The following DLG2 variants were observed in gnomAD, a reference collection of about 807,000 sequenced individuals.
DLG2 encodes discs large MAGUK scaffold protein 2.
DLG2 carries 45 observed loss-of-function variants against 132.5 expected under a neutral mutation model. That is an observed-to-expected ratio of 0.34 (90% CI 0.27 to 0.44). The LOEUF (loss-of-function observed/expected upper bound fraction) is 0.44. DLG2 is among the 20% of genes least tolerant of loss of function. The probability of loss-of-function intolerance (pLI) is 1.00; values close to 1 mark genes in which losing one functional copy is unlikely to be tolerated. For synonymous variants in DLG2, 424 were observed against 419.6 expected, an observed-to-expected ratio of 1.01 and a Z score of -0.13; for missense variants, 1,045 against 1,196.9, an observed-to-expected ratio of 0.87 and a Z score of 1.87.
intron 3 of DLG2, among the ~76,000 whole-genome samples, chr11:85,346,355 A>T (rs59016931): frequency 0.19 from 28,939 of 151,278 alleles, 3,257 homozygotes; most frequent in East Asian, 0.31. Context: ...GCCCAGCTAA[A>T]TTTTTTGTAT....
intron 10 of DLG2, among the ~76,000 whole-genome samples, chr11:84,074,712 T>C (rs1172743998): frequency 2.0e-5 from 3 of 151,794 alleles, no homozygotes; most frequent in African/African-American, 7.3e-5. Context: ...GTATTTTTAG[T>C]ACAGACGGGG....
intron 3 of DLG2, among the ~76,000 whole-genome samples, chr11:85,446,100 C>A (rs1203384870): frequency 1.3e-5 from 2 of 152,168 alleles, no homozygotes; most frequent in Admixed American, 6.5e-5. Flanking sequence ...AACCATCAGA[C>A]CCTAAATTAA....
chr11:84,309,747 C>T (rs2098268529), intron 7 of DLG2, among the ~76,000 whole-genome samples: 1 of 152,156 alleles, frequency 6.6e-6, no homozygotes, highest in African/African-American at 2.4e-5. Context: ...TGATTCTTGG[C>T]ATGATGGATA....
chr11:85,346,648 G>A (rs2082871325), intron 3 of DLG2, among the ~76,000 whole-genome samples: 3 of 152,114 alleles, frequency 2.0e-5, no homozygotes, highest in Admixed American at 2.0e-4. Flanking sequence ...TAAACATCTA[G>A]AGGCAAGAAA....
chr11:83,757,705 G>C (rs1454786500), intron 18 of DLG2, among the ~76,000 whole-genome samples: 1 of 152,112 alleles, frequency 6.6e-6, no homozygotes, highest in African/African-American at 2.4e-5. Context: ...GGGGTTTAGG[G>C]CTTCTTAGAA....
At chr11:83,551,248 A>T (rs756171557) in intron 19 of DLG2, among the ~76,000 whole-genome samples, 1 of 152,034 alleles carries the variant, frequency 6.6e-6, no homozygotes, top group Non-Finnish European at 1.5e-5. Context: ...AAAAATCTAA[A>T]TTTTTTCCCC....
At position 83,483,427 on chromosome 11, in the gene DLG2, T is replaced by G; in HGVS notation, c.2293+702A>C. ...TGCTGCCTTAACAATCTGGATCCCA[T>G]TCTCTCTTCTTTTAAAAAAACTTTC... On this transcript the variant is annotated intron_variant, in intron 22 of 27. Coordinates refer to ENST00000376104, the MANE Select transcript of DLG2 (RefSeq NM_001142699.3). The G allele has an allele frequency of 6.7e-6, 4 of 599,130 alleles. No homozygotes were observed. The Admixed American group carries it at 9.3e-5, about 14-fold the overall frequency. 37.1% of individuals were successfully genotyped at this position (599,130 alleles called of 1,614,324 possible).
At chr11:85,552,589 A>C (rs2076727235) in intron 3 of DLG2, among the ~76,000 whole-genome samples, 1 of 151,602 alleles carries the variant, frequency 6.6e-6, no homozygotes, top group East Asian at 1.9e-4. Flanking sequence ...TTCCAATGAA[A>C]AATAGTGACT....
At chr11:83,848,276 T>C (rs78917501) in intron 16 of DLG2, among the ~76,000 whole-genome samples, 1,611 of 152,216 alleles carry the variant, frequency 0.011, 30 homozygotes, top group African/African-American at 0.037. Flanking sequence ...GCATCTAGTC[T>C]AGTGCCTGGT....
chr11:84,891,177 G>A (rs183825109), intron 6 of DLG2, among the ~76,000 whole-genome samples: 1 of 152,152 alleles, frequency 6.6e-6, no homozygotes, highest in Admixed American at 6.5e-5. Flanking sequence ...TTCTCTAACA[G>A]TTTTAAATAT....
At chr11:83,512,062 G>A (rs1275083517) in intron 21 of DLG2, among the ~76,000 whole-genome samples, 1 of 152,154 alleles carries the variant, frequency 6.6e-6, no homozygotes, top group African/African-American at 2.4e-5. Context: ...GGGAGCCAGG[G>A]GAAGCTGGGT....
intron 4 of DLG2, among the ~76,000 whole-genome samples, chr11:85,261,383 A>C (rs2076932379): frequency 6.7e-6 from 1 of 149,070 alleles, no homozygotes. Context: ...CACATCCCCC[A>C]CCCCCACCAC....
intron 6 of DLG2, among the ~76,000 whole-genome samples, chr11:85,068,220 A>C (rs966558462): frequency 3.9e-5 from 6 of 152,134 alleles, no homozygotes; most frequent in African/African-American, 1.4e-4. Flanking sequence ...ACCTGGAAGC[A>C]TTCCCTTTGA....
intron 24 of DLG2, among the ~76,000 whole-genome samples, chr11:83,471,346 G>A (rs1349203733): frequency 6.6e-6 from 1 of 152,078 alleles, no homozygotes; most frequent in East Asian, 1.9e-4. Context: ...ATCCTATGCT[G>A]TTTTAAATGG....
intron 19 of DLG2, among the ~76,000 whole-genome samples, chr11:83,593,891 A>C (rs1486868183): frequency 1.3e-5 from 2 of 152,172 alleles, no homozygotes; most frequent in Non-Finnish European, 2.9e-5. Context: ...AACAGCATGC[A>C]ATAATTCCTT....
rs545481170 is a variant in DLG2, at chr11:85,347,345, G to A, written c.41-61980C>T. On this transcript the variant is annotated intron_variant, in intron 3 of 27. Coordinates refer to ENST00000376104, the MANE Select transcript of DLG2 (RefSeq NM_001142699.3). The stretch of plus-strand genomic sequence containing the variant: ...GCTTCTTACTAAAAGAAACACAAGC[G>A]CCTTCTATCCACTCCCTGTTATCTG... Among the ~76,000 whole-genome samples, 6 of 152,140 alleles carry A rather than the reference G, an allele frequency of 3.9e-5. No homozygotes were observed. The South Asian group carries it at 6.2e-4, about 16-fold the overall frequency.
intron 7 of DLG2, among the ~76,000 whole-genome samples, chr11:84,407,296 G>A (rs1050280426): frequency 2.6e-5 from 4 of 152,066 alleles, no homozygotes; most frequent in African/African-American, 9.7e-5. Context: ...GGTGGCCAGG[G>A]CCCTGCTAAT....
intron 6 of DLG2, chr11:84,720,591 G>T: frequency 1.8e-6 from 1 of 567,980 alleles, no homozygotes; most frequent in Non-Finnish European, 2.2e-6. Flanking sequence ...CTTCCCTGGG[G>T]AACGAGGCGT....
intron 6 of DLG2, among the ~76,000 whole-genome samples, chr11:84,615,817 G>GGAAAAAAAAA (rs2099602949): frequency 1.9e-5 from 1 of 52,904 alleles, no homozygotes; most frequent in African/African-American, 1.5e-4. Flanking sequence ...GACAAAAACG[G>GGAAAAAAAAA]TAAAAAAAAA....
Sources: gnomAD v4.1 joint callset for allele counts (sites outside exome capture counted in the v4.1 genomes callset) on GRCh38, gnomAD v4.1.1 for gene constraint, MANE v1.5 for transcripts, NCBI Gene and HGNC (gene_info 2026-07-23, HGNC 2026-07-21) for gene names.